The following HDAC9 variants were observed in gnomAD, a reference collection of about 807,000 sequenced individuals.
HDAC9 encodes the protein histone deacetylase 9.
HDAC9 carries 41 observed loss-of-function variants against 139.4 expected under a neutral mutation model. The ratio of observed to expected loss-of-function variants is 0.29; its 90% CI spans 0.23 to 0.38. The LOEUF is 0.38. HDAC9 is among the 10% of genes least tolerant of loss of function. HDAC9 has a pLI of 1.00. For synonymous variants in HDAC9, 517 were observed against 476.2 expected (o/e 1.09, Z -1.12); for missense variants, 1,147 against 1,297.0 (o/e 0.88, Z 1.78).
intron 1 of HDAC9, among the ~76,000 whole-genome samples, chr7:18,427,603 A>G (rs1047184429): frequency 8.6e-5 from 13 of 151,844 alleles, no homozygotes; most frequent in Admixed American, 5.2e-4. Flanking sequence ...CTCTTGGATT[A>G]TTACAGTAAC....
intron 1 of HDAC9, among the ~76,000 whole-genome samples, chr7:18,344,316 C>T (rs569061886): frequency 3.3e-5 from 5 of 151,866 alleles, no homozygotes; most frequent in East Asian, 1.9e-4. Context: ...AAGCACTTTA[C>T]GGATATTATT....
chr7:18,528,056 C>T (rs1318455455), intron 2 of HDAC9, among the ~76,000 whole-genome samples: 1 of 151,678 alleles, frequency 6.6e-6, no homozygotes, highest in East Asian at 1.9e-4. Flanking sequence ...TTTGGGAGGG[C>T]GAGGCAGTAG....
chr7:18,227,902 C>T (rs536474772), intron 2 of HDAC9, among the ~76,000 whole-genome samples: 4 of 152,184 alleles, frequency 2.6e-5, no homozygotes, highest in South Asian at 2.1e-4. Flanking sequence ...TTTTCTAAGC[C>T]GCTGTGCTAA....
At chr7:18,832,661 T>C (rs909982317) in intron 19 of HDAC9, among the ~76,000 whole-genome samples, 2 of 152,180 alleles carry the variant, frequency 1.3e-5, no homozygotes, top group Non-Finnish European at 2.9e-5. Context: ...AAACAAGCTT[T>C]AGATCATACC....
intron 25 of HDAC9, among the ~76,000 whole-genome samples, chr7:18,987,820 A>G (rs568144093): frequency 6.6e-6 from 1 of 152,064 alleles, no homozygotes; most frequent in Non-Finnish European, 1.5e-5. Context: ...CCAGGAATTT[A>G]TCCATTTCTT....
intron 14 of HDAC9, among the ~76,000 whole-genome samples, chr7:18,752,343 A>G (rs1216988502): frequency 1.3e-5 from 2 of 152,108 alleles, no homozygotes; most frequent in East Asian, 3.9e-4. Flanking sequence ...AGATAATGAC[A>G]GTATCTGCCC....
chr7:18,556,271 C>T (rs1445146701), intron 2 of HDAC9, among the ~76,000 whole-genome samples: 1 of 151,998 alleles, frequency 6.6e-6, no homozygotes, highest in Non-Finnish European at 1.5e-5. Flanking sequence ...TAGACAAAAA[C>T]AGTTACAAAG....
At chr7:18,490,138 A>G (rs1796258175) in intron 1 of HDAC9, among the ~76,000 whole-genome samples, 1 of 152,038 alleles carries the variant, frequency 6.6e-6, no homozygotes, top group South Asian at 2.1e-4. Context: ...ATTCTTTTAT[A>G]TTTTTGCTGT....
chr7:18,318,403 A>G (rs909182458), intron 1 of HDAC9, among the ~76,000 whole-genome samples: 4 of 152,240 alleles, frequency 2.6e-5, no homozygotes, highest in Non-Finnish European at 5.9e-5. Flanking sequence ...TCAATAACAA[A>G]TGGAATGCAG....
chr7:18,766,018 C>G (rs1789802373), intron 15 of HDAC9, among the ~76,000 whole-genome samples: 1 of 152,090 alleles, frequency 6.6e-6, no homozygotes, highest in African/African-American at 2.4e-5. Flanking sequence ...GTTTTCAAAA[C>G]AAACTGTCTT....
intron 1 of HDAC9, among the ~76,000 whole-genome samples, chr7:18,144,190 A>G (rs967031835): frequency 1.3e-4 from 20 of 152,238 alleles, no homozygotes; most frequent in Admixed American, 2.6e-4. Flanking sequence ...GGAAATAAAA[A>G]AAAGGATAAA....
intron 1 of HDAC9, among the ~76,000 whole-genome samples, chr7:18,339,732 C>G (rs868342690): frequency 3.3e-5 from 5 of 151,276 alleles, no homozygotes; most frequent in African/African-American, 1.2e-4. Context: ...CTAATTTATT[C>G]TACTGGGGAT....
chr7:18,702,550 A>G (rs1171341514), intron 12 of HDAC9, among the ~76,000 whole-genome samples: 2 of 152,188 alleles, frequency 1.3e-5, no homozygotes, highest in Non-Finnish European at 2.9e-5. Flanking sequence ...AGAATCAAAA[A>G]CACTTTGGGA....
At position 18,801,268 on chromosome 7, in the gene HDAC9, C is replaced by T. The variant is rs554968873; in HGVS notation, c.2322+7816C>T. 1.2e-4 allele frequency among the ~76,000 whole-genome samples: 19 copies of T among 152,046 alleles called. No homozygotes were observed. In the South Asian group the frequency reaches 3.7e-3, roughly 30 times the overall value. ...ATTTTATATTTTGTGGAAGAAATTA[C>T]CTTTCATTTCTACTTTTCTAAGAAT... is the stretch of plus-strand genomic sequence containing the variant. On this transcript the variant is annotated intron_variant, in intron 17 of 25. Coordinates refer to ENST00000686413, the MANE Select transcript of HDAC9 (RefSeq NM_178425.4).
chr7:18,415,230 A>G (rs1262331146), intron 1 of HDAC9, among the ~76,000 whole-genome samples: 3 of 152,170 alleles, frequency 2.0e-5, no homozygotes, highest in Non-Finnish European at 2.9e-5. Context: ...GTAGTTCTCG[A>G]TGGCTTAAAG....
intron 2 of HDAC9, among the ~76,000 whole-genome samples, chr7:18,171,827 G>A (rs1231392591): frequency 1.3e-5 from 2 of 152,182 alleles, no homozygotes; most frequent in Non-Finnish European, 2.9e-5. Flanking sequence ...GCATTTTGAT[G>A]TGCTGCTGGA....
chr7:18,887,281 G>C (rs1278316852), intron 22 of HDAC9, among the ~76,000 whole-genome samples: 1 of 152,182 alleles, frequency 6.6e-6, no homozygotes, highest in African/African-American at 2.4e-5. Flanking sequence ...GTCTGGAGAG[G>C]GTACTGCAAT....
chr7:18,873,192 T>C (rs6461393), intron 21 of HDAC9, among the ~76,000 whole-genome samples: 1 of 151,750 alleles, frequency 6.6e-6, no homozygotes, highest in Admixed American at 6.6e-5. Flanking sequence ...TTTGAAATTT[T>C]TAATTGTATT....
At chr7:18,249,059 G>T (rs1794745217) in intron 2 of HDAC9, among the ~76,000 whole-genome samples, 1 of 152,068 alleles carries the variant, frequency 6.6e-6, no homozygotes, top group Non-Finnish European at 1.5e-5. Flanking sequence ...TACAGTTGAG[G>T]ACAGTGCTAT....
Sources: gnomAD v4.1 joint callset for allele counts (sites outside exome capture counted in the v4.1 genomes callset) on GRCh38, gnomAD v4.1.1 for gene constraint, MANE v1.5 for transcripts, NCBI Gene and HGNC (gene_info 2026-07-23, HGNC 2026-07-21) for gene names.